The following ALMS1 variants were observed in gnomAD, a reference collection of about 807,000 sequenced individuals.
ALMS1 encodes the protein centrosome-associated protein ALMS1.
Under a neutral mutation model 352.2 loss-of-function variants are expected in ALMS1, and 271 were observed. The ratio of observed to expected loss-of-function variants is 0.77; its 90% CI spans 0.70 to 0.85. ALMS1 has a LOEUF of 0.85. Ranked by LOEUF, ALMS1 falls within the 40% of genes least tolerant of loss-of-function variation. The pLI, the probability that ALMS1 is intolerant of heterozygous loss-of-function variation, is 0.00. For synonymous variants in ALMS1, 1,865 were observed against 1,761.2 expected (o/e 1.06, Z -1.48); for missense variants, 5,445 against 4,870.7 (o/e 1.12, Z -3.51).
chr2:73,489,956 A>G lies in ALMS1; in HGVS notation c.7997A>G (p.Lys2666Arg). 6.2e-7 allele frequency: 1 copy of G among 1,614,218 alleles called. No homozygotes were observed. Among genetic ancestry groups the G allele is most frequent in the South Asian group, 1.1e-5 (1 of 91,082 alleles). ...NFIPDEFKISKGLRMPFDEKM... is the reference protein window; with the variant it reads ...NFIPDEFKISRGLRMPFDEKM... ...ATACCTGATGAATTCAAAATCAGCA[A>G]AGGTCTTCGAATGCCATTCGATGAA... The change falls in exon 10 of 23, where the codon AAA becomes AGA. Residue 2666 changes from lysine to arginine, a missense_variant. Lys to Arg is a conservative substitution (Grantham distance 26). Transcript: ENST00000613296.
chr2:73,523,142 T>C (rs1673719962), intron 11 of ALMS1, among the ~76,000 whole-genome samples: 2 of 152,320 alleles, frequency 1.3e-5, no homozygotes, highest in East Asian at 1.9e-4. Flanking sequence ...GCAAGTACCA[T>C]CTATGGTTCA....
At chr2:73,550,678 A>T (rs568949831) in intron 13 of ALMS1, among the ~76,000 whole-genome samples, 34 of 152,320 alleles carry the variant, frequency 2.2e-4, no homozygotes, top group African/African-American at 7.9e-4. Context: ...ATAAAATATG[A>T]TACAACTTTT....
rs11252 is a variant in ALMS1 at position 73,573,319 on chromosome 2, C to T, written c.11442C>T (p.Asn3814=). The change falls in exon 16 of 23, where the codon AAC becomes AAT. Residue 3814 remains asparagine (N), a synonymous_variant. Coordinates refer to ENST00000613296, the MANE Select transcript of ALMS1 (RefSeq NM_001378454.1). ...TTAAATTATATAGCAGCATCACCAA[C>T]CAACAGAGGAGATACCTTGAGAAGC... ...RRIKLYSSIT[N]QQRRYLEKRS... The T allele has an allele frequency of 6.2e-7, 1 of 1,614,108 alleles. No individual in the cohort carries two copies. The highest frequency in any genetic ancestry group is 1.1e-5 in the South Asian group (1 of 91,072).
intron 12 of ALMS1, among the ~76,000 whole-genome samples, chr2:73,535,886 CAAAG>C (rs1239298460): frequency 6.6e-6 from 1 of 152,004 alleles, no homozygotes; most frequent in Non-Finnish European, 1.5e-5. Context: ...ATAGAAATTA[CAAAG>C]AAAGGAGAAG....
intron 1 of ALMS1, among the ~76,000 whole-genome samples, chr2:73,406,651 C>T (rs1032271725): frequency 2.6e-5 from 4 of 152,112 alleles, no homozygotes; most frequent in South Asian, 4.1e-4. Context: ...AAACTAGTAA[C>T]AACTTCACTT....
Position 73,451,021 on chromosome 2 carries a change from G to A in ALMS1, c.4494G>A (p.Glu1498=). The change falls in exon 8 of 23, where the codon GAG becomes GAA. Residue 1498 remains glutamate (E), a synonymous_variant. Transcript: ENST00000613296. ...TTCCAGAGGGTCATCTACCTGAAGA[G>A]TCTCTGAAAGTTTCAGTTGCTCCTG... is the stretch of plus-strand genomic sequence containing the variant. ...QAFPEGHLPE[E]SLKVSVAPGP... is the part of the protein sequence containing the mutation. 1 of 1,613,928 alleles carries A rather than the reference G, an allele frequency of 6.2e-7. No individual in the cohort carries two copies. Among genetic ancestry groups the A allele is most frequent in the Non-Finnish European group, 8.5e-7 (1 of 1,179,952 alleles).
chr2:73,452,088 G>T lies in ALMS1; in HGVS notation c.5561G>T (p.Arg1854Ile), dbSNP rs1558650326. Reference sequence around the variant, plus strand: ...CTGCCCTCTAATTCCTACCCACAGAGAGAGCACTCTGTCATTTCTTATGAG... The same window carrying T: ...CTGCCCTCTAATTCCTACCCACAGATAGAGCACTCTGTCATTTCTTATGAG... Reference protein sequence around the residue: ...NILPSNSYPQREHSVISYEQE... With the variant: ...NILPSNSYPQIEHSVISYEQE... Residue 1854 changes from arginine to isoleucine, a missense_variant, in exon 8 of 23, where the codon AGA (arginine) becomes ATA (isoleucine). Arg to Ile is a moderately conservative substitution (Grantham distance 97). Transcript: ENST00000613296. The T allele has an allele frequency of 6.2e-7, 1 of 1,614,000 alleles. No individual in the cohort carries two copies. Among genetic ancestry groups the T allele is most frequent in the Non-Finnish European group, 8.5e-7 (1 of 1,179,992 alleles).
chr2:73,553,713 A>G (rs1674486562), intron 13 of ALMS1, among the ~76,000 whole-genome samples: 1 of 152,224 alleles, frequency 6.6e-6, no homozygotes, highest in Non-Finnish European at 1.5e-5. Flanking sequence ...CACTCAGACC[A>G]TTATTTATGT....
At chr2:73,478,894 G>A (rs1672638048) in intron 9 of ALMS1, among the ~76,000 whole-genome samples, 1 of 151,886 alleles carries the variant, frequency 6.6e-6, no homozygotes, top group Non-Finnish European at 1.5e-5. Flanking sequence ...CTGTGTCCAT[G>A]TGTTCTCATT....
At chr2:73,473,584 G>C (rs2103847705) in intron 9 of ALMS1, among the ~76,000 whole-genome samples, 1 of 152,114 alleles carries the variant, frequency 6.6e-6, no homozygotes, top group South Asian at 2.1e-4. Context: ...TATCCCTGAG[G>C]AAGCCCACCT....
intron 12 of ALMS1, among the ~76,000 whole-genome samples, chr2:73,538,434 C>T (rs1194928711): frequency 6.6e-6 from 1 of 152,094 alleles, no homozygotes; most frequent in Non-Finnish European, 1.5e-5. Context: ...AGGAAGAGCT[C>T]CAGTCTGCAG....
chr2:73,426,975 G>A (rs1671393754), intron 6 of ALMS1, among the ~76,000 whole-genome samples: 1 of 152,194 alleles, frequency 6.6e-6, no homozygotes, highest in African/African-American at 2.4e-5. Flanking sequence ...TTCCATTAGA[G>A]GTTGGTATAA....
chr2:73,596,865 T>TA (rs1675561701), intron 16 of ALMS1, among the ~76,000 whole-genome samples: 1 of 149,530 alleles, frequency 6.7e-6, no homozygotes, highest in African/African-American at 2.5e-5. Flanking sequence ...TACCTCTTTT[T>TA]TTTTTTTTTT....
chr2:73,455,914 G>A (rs1291795008), intron 9 of ALMS1, among the ~76,000 whole-genome samples: 1 of 151,898 alleles, frequency 6.6e-6, no homozygotes, highest in Non-Finnish European at 1.5e-5. Flanking sequence ...TTGAAATCCA[G>A]CTATTTTCAA....
intron 13 of ALMS1, 71 bp from the exon 14 acceptor site, chr2:73,557,149 G>T (rs1290903051): frequency 2.5e-6 from 4 of 1,597,022 alleles, no homozygotes; most frequent in South Asian, 1.1e-5. Flanking sequence ...TTGTAATTGT[G>T]GGGGAGGATT....
At chr2:73,535,422 T>G (rs1674007551) in intron 12 of ALMS1, among the ~76,000 whole-genome samples, 1 of 152,236 alleles carries the variant, frequency 6.6e-6, no homozygotes, top group Non-Finnish European at 1.5e-5. Flanking sequence ...GATGACTTAC[T>G]AATGACATAT....
At chr2:73,458,148 T>A (rs1323813614) in intron 9 of ALMS1, 1 of 152,030 alleles carries the variant, frequency 6.6e-6, no homozygotes, top group African/African-American at 2.4e-5. Context: ...ATCTTATGAT[T>A]GACTTTTTTC....
At chr2:73,393,432 G>C (rs748134164) in intron 1 of ALMS1, among the ~76,000 whole-genome samples, 1 of 151,762 alleles carries the variant, frequency 6.6e-6, no homozygotes, top group Non-Finnish European at 1.5e-5. Context: ...TAAATTTATA[G>C]AGTTCAAGTA....
At chr2:73,525,367 GTGT>G (rs1351054558) in intron 11 of ALMS1, among the ~76,000 whole-genome samples, 3 of 152,074 alleles carry the variant, frequency 2.0e-5, no homozygotes, top group African/African-American at 7.2e-5. Flanking sequence ...GTTCTCTATA[GTGT>G]TGTACTAATT....
Sources: allele counts gnomAD v4.1 joint callset (sites outside exome capture counted in the v4.1 genomes callset), GRCh38; gene constraint gnomAD v4.1.1; transcripts MANE v1.5; gene names NCBI Gene and HGNC (gene_info 2026-07-23, HGNC 2026-07-21).